Variants in SLIT3 observed in about 807,000 individuals in gnomAD.
SLIT3 encodes the protein slit homolog 3 protein.
Under a neutral mutation model 184.0 loss-of-function variants are expected in SLIT3, and 68 were observed. That is an observed-to-expected ratio of 0.37 (90% CI 0.30 to 0.45). The LOEUF (loss-of-function observed/expected upper bound fraction) is 0.45. SLIT3 is among the 20% of genes least tolerant of loss of function. The pLI is 1.00. For missense variants in SLIT3, 1,707 were observed against 2,026.0 expected (o/e 0.84, Z 3.02); for synonymous variants, 831 against 828.6 (o/e 1.00, Z -0.05).
At chr5:169,182,832 G>A (rs754300419) in intron 4 of SLIT3, among the ~76,000 whole-genome samples, 5 of 152,170 alleles carry the variant, frequency 3.3e-5, no homozygotes, top group Non-Finnish European at 7.3e-5. Flanking sequence ...GAATGGTATG[G>A]GTGAAGGCTG....
Position 168,814,522 on chromosome 5 carries a change from G to A in SLIT3, c.793+2778C>T, listed in dbSNP as rs1757268545. On this transcript the variant is annotated intron_variant, in intron 8 of 35. Coordinates refer to ENST00000519560, the MANE Select transcript of SLIT3 (RefSeq NM_003062.4). ...GGCAGGACTGGTTGTTGGTGGTGGC[G>A]TGTGGAGTGTGGTCAGTCCTTGAAA... Among the ~76,000 whole-genome samples, 5 of 151,588 alleles carry A rather than the reference G, an allele frequency of 3.3e-5. 1 individual carries two copies. Among genetic ancestry groups the A allele is most frequent in the Admixed American group, 2.0e-4 (3 of 15,256 alleles).
intron 1 of SLIT3, among the ~76,000 whole-genome samples, chr5:169,271,918 C>T (rs1766636996): frequency 6.6e-6 from 1 of 152,204 alleles, no homozygotes; most frequent in Admixed American, 6.5e-5. Context: ...TCCCAAGGGA[C>T]ATCTGGGTCC....
At chr5:168,968,998 T>C (rs762811385) in intron 4 of SLIT3, among the ~76,000 whole-genome samples, 3 of 152,180 alleles carry the variant, frequency 2.0e-5, no homozygotes, top group Non-Finnish European at 2.9e-5. Flanking sequence ...AGGTGCAGTT[T>C]CCTCCAACTT....
At chr5:168,806,720 T>G in intron 8 of SLIT3, 133 bp from the exon 9 acceptor site, 2 of 993,858 alleles carry the variant, frequency 2.0e-6, no homozygotes, top group South Asian at 1.6e-5. Context: ...AGCTGACATC[T>G]CCCTTCACCT....
At chr5:169,048,881 T>C (rs570882084) in intron 4 of SLIT3, among the ~76,000 whole-genome samples, 63 of 152,214 alleles carry the variant, frequency 4.1e-4, no homozygotes, top group Non-Finnish European at 7.4e-4. Flanking sequence ...ATTAAGATAC[T>C]CTTCTTGAAA....
chr5:169,221,158 T>C (rs2113531396), intron 3 of SLIT3, among the ~76,000 whole-genome samples: 1 of 152,346 alleles, frequency 6.6e-6, no homozygotes, highest in South Asian at 2.1e-4. Context: ...TTTGTGCTAG[T>C]TTCTGATTTC....
intron 23 of SLIT3, among the ~76,000 whole-genome samples, chr5:168,713,375 A>G (rs948487683): frequency 6.6e-6 from 1 of 152,212 alleles, no homozygotes; most frequent in Non-Finnish European, 1.5e-5. Context: ...AAAAACCTCA[A>G]TGAACACTGC....
chr5:169,040,511 C>T (rs937495437), intron 4 of SLIT3, among the ~76,000 whole-genome samples: 10 of 152,188 alleles, frequency 6.6e-5, no homozygotes, highest in Non-Finnish European at 1.2e-4. Flanking sequence ...CAGCTAAACC[C>T]TCATCCCCAT....
At chr5:168,668,483 CTCA>C (rs1204303084) in intron 35 of SLIT3, among the ~76,000 whole-genome samples, 1 of 152,222 alleles carries the variant, frequency 6.6e-6, no homozygotes, top group Non-Finnish European at 1.5e-5. Flanking sequence ...ATCCAGACTG[CTCA>C]TGTGTTCTCC....
chr5:168,870,299 G>A (rs1019124405), intron 5 of SLIT3, among the ~76,000 whole-genome samples: 1 of 152,232 alleles, frequency 6.6e-6, no homozygotes, highest in African/African-American at 2.4e-5. Context: ...GCTACAAGAA[G>A]GAAGGGAGAA....
chr5:168,770,666 T>A (rs531958595), intron 14 of SLIT3, among the ~76,000 whole-genome samples: 13 of 152,214 alleles, frequency 8.5e-5, no homozygotes, highest in Admixed American at 2.0e-4. Context: ...GTTTTTTTTT[T>A]TAAAAAAGGT....
chr5:168,881,634 T>C (rs1456512419), intron 5 of SLIT3, among the ~76,000 whole-genome samples: 1 of 152,188 alleles, frequency 6.6e-6, no homozygotes, highest in African/African-American at 2.4e-5. Flanking sequence ...CTAATTAACA[T>C]AGTTGTTTTT....
At chr5:168,842,088 T>G (rs1758273663) in intron 6 of SLIT3, among the ~76,000 whole-genome samples, 2 of 152,114 alleles carry the variant, frequency 1.3e-5, no homozygotes, top group African/African-American at 2.4e-5. Flanking sequence ...TTATAAAATG[T>G]CAATGTGTGG....
chr5:169,187,115 T>TTTTTTTTG (rs1554105448), intron 4 of SLIT3, among the ~76,000 whole-genome samples: 6 of 138,126 alleles, frequency 4.3e-5, no homozygotes, highest in Non-Finnish European at 8.0e-5. Context: ...CTATAGGTTT[T>TTTTTTTTG]TTTTTTTTTT....
intron 4 of SLIT3, among the ~76,000 whole-genome samples, chr5:168,973,571 T>C (rs1312428194): frequency 1.3e-5 from 2 of 152,200 alleles, no homozygotes; most frequent in African/African-American, 4.8e-5. Flanking sequence ...TAAACTGCCT[T>C]ATTGAGATAA....
Position 168,748,326 on chromosome 5 carries a change from C to T in SLIT3, c.2246G>A (p.Gly749Asp), listed in dbSNP as rs1158099906. The change falls in exon 20 of 36, where the codon GGC becomes GAC. Residue 749 changes from glycine to aspartate, a missense_variant. Gly to Asp is a moderately conservative substitution (Grantham distance 94). Around this residue, in one of 3 missense-constraint regions of SLIT3, gnomAD observed 1,307 missense variants for 1,511.6 expected, o/e 0.86. Coordinates refer to ENST00000519560, the MANE Select transcript of SLIT3 (RefSeq NM_003062.4). The stretch of plus-strand genomic sequence containing the variant: ...CAGCTCGGTCACATCCTTGGGCATG[C>T]CTCTGGGGAGGGCGCGGAGCCCCTT... ...SNKGLRALPRGMPKDVTELYL... is the reference protein window; with the variant it reads ...SNKGLRALPRDMPKDVTELYL... 4 of 1,489,186 alleles carry T rather than the reference C, an allele frequency of 2.7e-6. No homozygotes were observed. The highest frequency in any genetic ancestry group is 3.6e-6 in the Non-Finnish European group (4 of 1,125,350). The allele number at this position is 1,489,186 out of a possible 1,614,324, so 92.2% of individuals were successfully genotyped here. A position where few individuals can be genotyped will look rare whatever the true frequency, so the allele number is the denominator to read the frequency against.
At chr5:168,885,879 G>C (rs1760185383) in intron 4 of SLIT3, among the ~76,000 whole-genome samples, 1 of 152,190 alleles carries the variant, frequency 6.6e-6, no homozygotes, top group Non-Finnish European at 1.5e-5. Context: ...AATACGGTGG[G>C]ATGAGGAGAG....
chr5:168,846,907 A>G (rs1758492534), intron 5 of SLIT3, among the ~76,000 whole-genome samples: 3 of 150,218 alleles, frequency 2.0e-5, no homozygotes, highest in Admixed American at 1.3e-4. Context: ...CATAGAAAGA[A>G]GAGAATAAAC....
chr5:168,722,386 G>A (rs955630075), intron 22 of SLIT3, 59 bp from the exon 23 acceptor site: 7 of 1,429,574 alleles, frequency 4.9e-6, no homozygotes, highest in Admixed American at 3.4e-5. Context: ...ATGCATAGGT[G>A]CACTGTTCAC....
Sources: gnomAD v4.1 joint callset for allele counts (sites outside exome capture counted in the v4.1 genomes callset) on GRCh38, gnomAD v4.1.1 for gene constraint, gnomAD v4.1.1 regional missense constraint, MANE v1.5 for transcripts, NCBI Gene and HGNC (gene_info 2026-07-23, HGNC 2026-07-21) for gene names.